The following APC2 variants were observed in gnomAD, a reference collection of about 807,000 sequenced individuals.
The protein encoded by APC2 is adenomatous polyposis coli protein 2.
A neutral mutation model predicts 72.5 loss-of-function variants in APC2; 41 were observed. The observed-to-expected ratio is 0.57, with a 90% CI of 0.44 to 0.73. The LOEUF (loss-of-function observed/expected upper bound fraction) is 0.73, where lower values mean the gene tolerates loss of function less well. Among genes scored for constraint, APC2 ranks in the 30% least tolerant of loss-of-function variants. APC2 has a pLI of 0.00. For missense variants in APC2, 3,729 were observed against 3,403.4 expected (o/e 1.10, Z -2.38); for synonymous variants, 1,898 against 1,612.0 (o/e 1.18, Z -4.25).
rs201535563 is a variant in APC2 at position 1,468,598 on chromosome 19, G to C, written c.5297G>C (p.Arg1766Pro). The C allele has an allele frequency of 5.0e-6, 8 of 1,600,856 alleles. No homozygotes were observed. Among genetic ancestry groups the C allele is most frequent in the South Asian group, 1.1e-5 (1 of 90,114 alleles). The change falls in exon 15 of 15, where the codon CGT becomes CCT. Residue 1766 changes from arginine (R) to proline (P), a missense_variant. Coordinates refer to ENST00000590469, the MANE Select transcript of APC2 (RefSeq NM_005883.3). ...TCAGTCAAGACCAGCGGGAGCCCCC[G>C]TTCCCCTGCAGGCCCCGAGAAGCCA... ...AASVKTSGSP[R>P]SPAGPEKPRG...
At chr19:1,462,968 CT>C (rs1289321326) in intron 14 of APC2, among the ~76,000 whole-genome samples, 1 of 123,292 alleles carries the variant, frequency 8.1e-6, no homozygotes, top group Non-Finnish European at 1.6e-5. Context: ...AAGATTCCGT[CT>C]TAAAAAAAAA....
rs548398316 is a variant in APC2, at chr19:1,472,884, G to C, written c.*2671G>C. 1 of 152,320 alleles carries C rather than the reference G, an allele frequency of 6.6e-6. No homozygotes were observed. Among genetic ancestry groups the C allele is most frequent in the African/African-American group, 2.4e-5 (1 of 41,456 alleles). 9.4% of individuals were successfully genotyped at this position (152,320 alleles called of 1,614,324 possible). A position where few individuals can be genotyped will look rare whatever the true frequency, so the allele number is the denominator to read the frequency against. ...GGTCTGAGGACGCAGGGAGGGTGGA[G>C]GTGTCCTGAGGCTGATGGACAGTGA... On this transcript the variant is annotated 3_prime_UTR_variant, in exon 15 of 15. Transcript: ENST00000590469.
chr19:1,453,573 G>T lies in APC2; in HGVS notation c.375G>T (p.Arg125=). 1 of 1,609,962 alleles carries T rather than the reference G, an allele frequency of 6.2e-7. No individual in the cohort carries two copies. The highest frequency in any genetic ancestry group is 8.5e-7 in the Non-Finnish European group (1 of 1,178,822). The part of the protein sequence containing the change: ...PSKDSFGELS[R]ATIRLLEELD... ...AGGACAGCTTTGGGGAGCTGAGCCG[G>T]GCCACCATCCGGCTGCTGGAGGAAC... The change falls in exon 4 of 15, where the codon CGG becomes CGT. Residue 125 remains arginine, a synonymous_variant. Coordinates refer to ENST00000590469, the MANE Select transcript of APC2 (RefSeq NM_005883.3).
In APC2 at chr19:1,466,248, G is replaced by A. The variant is rs775306304; in HGVS notation, c.2947G>A (p.Ala983Thr). 10 of 1,534,048 alleles carry A rather than the reference G, an allele frequency of 6.5e-6. No individual in the cohort carries two copies. The highest frequency in any genetic ancestry group is 2.0e-5 in the Admixed American group (1 of 49,818). The change falls in exon 15 of 15, where the codon GCC becomes ACC. Residue 983 changes from alanine to threonine, a missense_variant. Physicochemically the swap from Ala to Thr is moderately conservative, Grantham distance 58. Transcript: ENST00000590469. ...GCQAEPPARE[A>T]TSADARVRTI... ...CCAGGCCGAGCCCCCGGCCCGCGAG[G>A]CCACCTCCGCCGACGCCCGCGTGCG... is the stretch of plus-strand genomic sequence containing the variant.
chr19:1,465,300 G>A lies in APC2; in HGVS notation c.1999G>A (p.Gly667Ser). ...ARDQELLWDL[G>S]AVGMLRNLVH... is the part of the protein sequence containing the mutation. ...TGACCAGGAGCTGCTGTGGGACCTG[G>A]GCGCCGTGGGCATGCTGCGTAATCT... The change falls in exon 15 of 15, where the codon GGC becomes AGC. Residue 667 changes from glycine to serine, a missense_variant. By Grantham distance (56) the Gly-to-Ser change is moderately conservative. Transcript: ENST00000590469. 6.2e-7 allele frequency: 1 copy of A among 1,600,110 alleles called. No homozygotes were observed. The highest frequency in any genetic ancestry group is 8.5e-7 in the Non-Finnish European group (1 of 1,177,442).
chr19:1,460,148 C>G (rs1163321325), intron 10 of APC2, 33 bp from the exon 11 acceptor site: 3 of 1,612,242 alleles, frequency 1.9e-6, no homozygotes, highest in Non-Finnish European at 1.7e-6. Context: ...AGGGTCATCC[C>G]TGCCACCCAC....
Position 1,465,148 on chromosome 19 carries a change from C to A in APC2, c.1854-7C>A. 6.3e-7 allele frequency: 1 copy of A among 1,593,876 alleles called. No individual in the cohort carries two copies. The highest frequency in any genetic ancestry group is 1.7e-5 in the Admixed American group (1 of 57,336). On this transcript the variant is annotated splice_region_variant and splice_polypyrimidine_tract_variant and intron_variant, in intron 14 of 14. Transcript: ENST00000590469. ...GTGGCCCAGGCTAACCCGCCCTGTG[C>A]CTACAGGCAGGTGCTCCGGGATCAC...
chr19:1,468,128 C>T lies in APC2; in HGVS notation c.4827C>T (p.Asp1609=). The change falls in exon 15 of 15, where the codon GAC becomes GAT. Residue 1609 remains aspartate, a synonymous_variant. Coordinates refer to ENST00000590469, the MANE Select transcript of APC2 (RefSeq NM_005883.3). ...GCCGGGAGCCCGCGGTCACCAAGGACCCGGGCCCAGGAGGCGGACGCGACA... is the reference window on the plus strand; with the variant it reads ...GCCGGGAGCCCGCGGTCACCAAGGATCCGGGCCCAGGAGGCGGACGCGACA... ...PRGREPAVTK[D]PGPGGGRDSS... 1 of 1,506,574 alleles carries T rather than the reference C, an allele frequency of 6.6e-7. No individual in the cohort carries two copies. The highest frequency in any genetic ancestry group is 2.1e-5 in the Admixed American group (1 of 47,534). The allele number at this position is 1,506,574 out of a possible 1,614,324, so 93.3% of individuals were successfully genotyped here. A position where few individuals can be genotyped will look rare whatever the true frequency, so the allele number is the denominator to read the frequency against.
At position 1,468,085 on chromosome 19, in the gene APC2, C is replaced by G. The variant is rs1169020585; in HGVS notation, c.4784C>G (p.Pro1595Arg). 9 of 1,547,576 alleles carry G rather than the reference C, an allele frequency of 5.8e-6. No homozygotes were observed. Among genetic ancestry groups the G allele is most frequent in the South Asian group, 2.3e-5 (2 of 85,330 alleles). Residue 1595 changes from proline to arginine, a missense_variant, in exon 15 of 15, where the codon CCG becomes CGG. Pro to Arg is a moderately radical substitution (Grantham distance 103). Transcript: ENST00000590469. ...SLSEPEPSEP[P>R]AVHPRGREPA... ...AGCGAGCCCGAGCCCTCGGAGCCGC[C>G]GGCCGTCCATCCACGAGGCCGGGAG...
chr19:1,446,820 T>G (rs2083692051), upstream of APC2, among the ~76,000 whole-genome samples: 1 of 152,142 alleles, frequency 6.6e-6, no homozygotes, highest in Admixed American at 6.5e-5. The surrounding 1 kb of genome is among the most constrained non-coding windows in gnomAD (Gnocchi z 6.1). Context: ...TCGCCGCCGC[T>G]GCTGTTCGTA....
At chr19:1,456,825 C>T (rs759217574) in intron 8 of APC2, 28 bp from the exon 9 acceptor site, 37 of 1,582,816 alleles carry the variant, frequency 2.3e-5, no homozygotes, top group Non-Finnish European at 3.0e-5. Flanking sequence ...AGGTGAGGGA[C>T]CCCACCCTGA....
Position 1,462,192 on chromosome 19 carries a change from C to A in APC2, c.1853+15C>A. 14 of 1,529,860 alleles carry A rather than the reference C, an allele frequency of 9.2e-6. No homozygotes were observed. Among genetic ancestry groups the A allele is most frequent in the Non-Finnish European group, 9.7e-6 (11 of 1,138,112 alleles). The allele number at this position is 1,529,860 out of a possible 1,614,324, so 94.8% of individuals were successfully genotyped here. A position where few individuals can be genotyped will look rare whatever the true frequency, so the allele number is the denominator to read the frequency against. ...GAGGACTACAGGTCGGCCCCCACCC[C>A]CCCACCCGCACACAGGCAGCTGCGC... On this transcript the variant is annotated intron_variant, in intron 14 of 14. Coordinates refer to ENST00000590469, the MANE Select transcript of APC2 (RefSeq NM_005883.3).
Position 1,456,801 on chromosome 19 carries a change from G to C in APC2, c.817-52G>C. On this transcript the variant is annotated intron_variant, in intron 8 of 14. Transcript: ENST00000590469. ...TCACAGGGCTCCGACCGGGTTTCCA[G>C]GTGTGCGGGGGGCAGGTGAGGGACC... is the stretch of plus-strand genomic sequence containing the variant. The C allele has an allele frequency of 1.2e-5, 19 of 1,555,306 alleles. No homozygotes were observed. In the South Asian group the frequency reaches 2.2e-4, roughly 18 times the overall value.
chr19:1,463,647 G>A (rs1263962941), intron 14 of APC2, among the ~76,000 whole-genome samples: 1 of 151,780 alleles, frequency 6.6e-6, no homozygotes, highest in African/African-American at 2.4e-5. Flanking sequence ...CTACTTAGGA[G>A]GCTGAGGTGG....
At chr19:1,463,003 C>T (rs981497639) in intron 14 of APC2, among the ~76,000 whole-genome samples, 13 of 151,296 alleles carry the variant, frequency 8.6e-5, no homozygotes, top group African/African-American at 2.2e-4. Context: ...AGGCTGGGCT[C>T]GGTCCCTCAC....
upstream of APC2, among the ~76,000 whole-genome samples, chr19:1,448,502 C>G (rs1168553990): frequency 2.1e-5 from 3 of 143,290 alleles, no homozygotes; most frequent in Non-Finnish European, 4.5e-5. Flanking sequence ...GCCGAGATGG[C>G]GCCACTGCAC....
At chr19:1,455,980 G>T (rs1014424817) in intron 6 of APC2, 96 bp from the exon 7 acceptor site, 4 of 777,404 alleles carry the variant, frequency 5.1e-6, no homozygotes, top group African/African-American at 7.4e-5. Flanking sequence ...GAAGAGGCGG[G>T]GTCAGAGCCC....
At position 1,471,514 on chromosome 19, in the gene APC2, G is replaced by A. The variant is rs1020297536; in HGVS notation, c.*1301G>A. ...GGGGAGGCTGGGAGCTGGGCCTCCTGCGTGGGGTGGGACTCGCAGGGGCCG... is the reference window on the plus strand; with the variant it reads ...GGGGAGGCTGGGAGCTGGGCCTCCTACGTGGGGTGGGACTCGCAGGGGCCG... On this transcript the variant is annotated 3_prime_UTR_variant, in exon 15 of 15. Coordinates refer to ENST00000590469, the MANE Select transcript of APC2 (RefSeq NM_005883.3). 1 of 152,260 alleles carries A rather than the reference G, an allele frequency of 6.6e-6. No individual in the cohort carries two copies. The highest frequency in any genetic ancestry group is 1.5e-5 in the Non-Finnish European group (1 of 68,080). The allele number at this position is 152,260 out of a possible 1,614,324, so 9.4% of individuals were successfully genotyped here. A position where few individuals can be genotyped will look rare whatever the true frequency, so the allele number is the denominator to read the frequency against.
rs750685634 is a variant in APC2 at position 1,467,232 on chromosome 19, G to T, written c.3931G>T (p.Ala1311Ser). Residue 1311 changes from alanine (A) to serine (S), a missense_variant, in exon 15 of 15, where the codon GCC (alanine) becomes TCC (serine). Ala to Ser is a moderately conservative substitution (Grantham distance 99). Transcript: ENST00000590469. The part of the protein sequence containing the change: ...CPERGGGAGG[A>S]GLHFAGHRRR... ...CGAGCGCGGCGGGGGCGCCGGGGGC[G>T]CCGGCCTCCACTTTGCAGGGCACCG... 3.7e-6 allele frequency: 5 copies of T among 1,366,778 alleles called. No homozygotes were observed. The highest frequency in any genetic ancestry group is 3.8e-6 in the Non-Finnish European group (4 of 1,065,450). The allele number at this position is 1,366,778 out of a possible 1,614,324, so 84.7% of individuals were successfully genotyped here. A position where few individuals can be genotyped will look rare whatever the true frequency, so the allele number is the denominator to read the frequency against.
Sources: allele counts gnomAD v4.1 joint callset (sites outside exome capture counted in the v4.1 genomes callset), GRCh38; gene constraint gnomAD v4.1.1; non-coding constraint Gnocchi (gnomAD v3.1); transcripts MANE v1.5; gene names NCBI Gene and HGNC (gene_info 2026-07-23, HGNC 2026-07-21).